The following KLF12 variants were observed in gnomAD, a reference collection of about 807,000 sequenced individuals.
KLF12 encodes Krueppel-like factor 12.
Under a neutral mutation model 37.8 loss-of-function variants are expected in KLF12, and 9 were observed. The ratio of observed to expected loss-of-function variants is 0.24; its 90% CI spans 0.14 to 0.42. KLF12 has a LOEUF of 0.42. Among genes scored for constraint, KLF12 ranks in the 10% least tolerant of loss-of-function variants. The pLI is 1.00. For missense variants in KLF12, 411 were observed against 516.0 expected (o/e 0.80, Z 1.97); for synonymous variants, 208 against 202.1 (o/e 1.03, Z -0.25).
At chr13:74,156,865 A>G in the KLF12 span, among the ~76,000 whole-genome samples, 1 of 152,222 alleles carries the variant, frequency 6.6e-6, no homozygotes, top group South Asian at 2.1e-4. Context: ...CGTTTTCTTT[A>G]TCTGTTCATC....
chr13:73,935,379 T>A (rs568489123), intron 3 of KLF12, among the ~76,000 whole-genome samples: 108 of 152,312 alleles, frequency 7.1e-4, no homozygotes, highest in African/African-American at 2.5e-3. Context: ...TTTTAAAATT[T>A]TAAATACAGT....
intron 3 of KLF12, among the ~76,000 whole-genome samples, chr13:73,918,763 C>T (rs1888972706): frequency 6.6e-6 from 1 of 152,204 alleles, no homozygotes; most frequent in Admixed American, 6.5e-5. Flanking sequence ...TGGATTTCTC[C>T]TGCCAGAACC....
chr13:73,853,018 C>T (rs888344335), intron 3 of KLF12, among the ~76,000 whole-genome samples: 2 of 151,546 alleles, frequency 1.3e-5, no homozygotes, highest in Admixed American at 6.6e-5. Flanking sequence ...TACAGGCGCC[C>T]GCCACCATGC....
the KLF12 span, among the ~76,000 whole-genome samples, chr13:74,149,484 T>C: frequency 2.0e-5 from 3 of 152,324 alleles, no homozygotes; most frequent in East Asian, 1.9e-4. Flanking sequence ...GCAAGCCCTA[T>C]TGACTTCTTA....
chr13:73,927,360 A>G (rs1453714992), intron 3 of KLF12, among the ~76,000 whole-genome samples: 1 of 152,136 alleles, frequency 6.6e-6, no homozygotes, highest in Non-Finnish European at 1.5e-5. Flanking sequence ...TGAGGAACGT[A>G]CCCTCTCTTA....
At chr13:74,036,867 C>A (rs1442688645) in intron 1 of KLF12, among the ~76,000 whole-genome samples, 1 of 152,178 alleles carries the variant, frequency 6.6e-6, no homozygotes, top group African/African-American at 2.4e-5. Flanking sequence ...CAAGTGTAAA[C>A]TTGACCATGT....
chr13:74,106,706 T>A (rs996728265), intron 1 of KLF12, among the ~76,000 whole-genome samples: 2 of 152,100 alleles, frequency 1.3e-5, no homozygotes, highest in African/African-American at 4.8e-5. Flanking sequence ...AAACAGATGA[T>A]CATTAGACAC....
intron 5 of KLF12, among the ~76,000 whole-genome samples, chr13:73,774,303 T>C (rs1880458554): frequency 6.7e-6 from 1 of 148,512 alleles, no homozygotes; most frequent in African/African-American, 2.5e-5. Context: ...CACACACACA[T>C]CTATATATAT....
intron 1 of KLF12, among the ~76,000 whole-genome samples, chr13:73,997,996 T>C (rs1008947293): frequency 3.9e-5 from 6 of 152,222 alleles, no homozygotes; most frequent in Non-Finnish European, 7.3e-5. Flanking sequence ...TGTTTCTCTT[T>C]AGTAGCTGCA....
At chr13:74,040,098 A>G (rs1254310351) in intron 1 of KLF12, among the ~76,000 whole-genome samples, 1 of 152,244 alleles carries the variant, frequency 6.6e-6, no homozygotes, top group Non-Finnish European at 1.5e-5. Flanking sequence ...TCCCTAATAA[A>G]TGGCCACTAC....
At chr13:74,054,467 G>C (rs1000345357) in intron 1 of KLF12, among the ~76,000 whole-genome samples, 1 of 152,174 alleles carries the variant, frequency 6.6e-6, no homozygotes, top group African/African-American at 2.4e-5. Flanking sequence ...CCCGAGACCT[G>C]ATGGGAGAGG....
intron 6 of KLF12, among the ~76,000 whole-genome samples, chr13:73,745,416 C>G (rs1373777750): frequency 6.6e-6 from 1 of 152,110 alleles, no homozygotes; most frequent in African/African-American, 2.4e-5. Flanking sequence ...ATTTAGGTCA[C>G]CTAGGATGAG....
At chr13:74,128,911 G>C (rs1213881571) in intron 1 of KLF12, among the ~76,000 whole-genome samples, 1 of 151,978 alleles carries the variant, frequency 6.6e-6, no homozygotes, top group Non-Finnish European at 1.5e-5. Flanking sequence ...TGTGTATGGT[G>C]TGTGTGGGTG....
At chr13:74,286,093 A>G in the KLF12 span, among the ~76,000 whole-genome samples, 2 of 152,236 alleles carry the variant, frequency 1.3e-5, no homozygotes, top group Non-Finnish European at 2.9e-5. Context: ...AACTGAAGAT[A>G]AACATGATGA....
chr13:73,848,264 T>C (rs1225190963), intron 3 of KLF12, among the ~76,000 whole-genome samples: 1 of 152,120 alleles, frequency 6.6e-6, no homozygotes, highest in Non-Finnish European at 1.5e-5. Flanking sequence ...AGAAATGTTC[T>C]ATAATGTAAA....
chr13:74,230,839 C>T, the KLF12 span, among the ~76,000 whole-genome samples: 3 of 152,186 alleles, frequency 2.0e-5, no homozygotes, highest in Non-Finnish European at 4.4e-5. Flanking sequence ...CCAATTCTTT[C>T]CAATGTGCCT....
chr13:73,704,173 C>G (rs185910030), intron 7 of KLF12, among the ~76,000 whole-genome samples: 2 of 152,208 alleles, frequency 1.3e-5, no homozygotes, highest in East Asian at 3.9e-4. Context: ...GGCAGGTGTT[C>G]CTCTTGGCTC....
intron 4 of KLF12, among the ~76,000 whole-genome samples, chr13:73,818,692 A>G (rs1390359969): frequency 6.6e-6 from 1 of 152,218 alleles, no homozygotes; most frequent in Non-Finnish European, 1.5e-5. Context: ...ACAGACTAAC[A>G]TTTCCTAACA....
At chr13:73,776,810 G>A (rs754701547) in intron 5 of KLF12, among the ~76,000 whole-genome samples, 4 of 152,006 alleles carry the variant, frequency 2.6e-5, no homozygotes, top group Non-Finnish European at 5.9e-5. Context: ...TCATTGTTCT[G>A]GTTGCTTATG....
Sources: allele counts gnomAD v4.1 joint callset (sites outside exome capture counted in the v4.1 genomes callset), GRCh38; gene constraint gnomAD v4.1.1; transcripts MANE v1.5; gene names NCBI Gene and HGNC (gene_info 2026-07-23, HGNC 2026-07-21).